SCARA5: variants seen among roughly 807,000 people sequenced by gnomAD.
SCARA5 encodes scavenger receptor class A, member 5 (putative).
In SCARA5, 45 loss-of-function variants were observed where a neutral mutation model predicts 46.3. That is an observed-to-expected ratio of 0.97 (90% CI 0.76 to 1.24). The LOEUF (loss-of-function observed/expected upper bound fraction) is 1.24. Among genes scored for constraint, SCARA5 ranks in the 50% most tolerant of loss-of-function variants. The pLI, the probability that SCARA5 is intolerant of heterozygous loss-of-function variation, is 0.00. For missense variants in SCARA5, 680 were observed against 689.0 expected (o/e 0.99, Z 0.15); for synonymous variants, 333 against 306.5 (o/e 1.09, Z -0.90).
intron 1 of SCARA5, among the ~76,000 whole-genome samples, chr8:27,989,839 C>T (rs530648203): frequency 6.6e-6 from 1 of 152,330 alleles, no homozygotes; most frequent in Non-Finnish European, 1.5e-5. Flanking sequence ...GCGGGCAGCT[C>T]CAGCACTGCT....
intron 6 of SCARA5, among the ~76,000 whole-genome samples, chr8:27,905,141 G>A (rs1215159028): frequency 6.6e-6 from 1 of 152,062 alleles, no homozygotes; most frequent in African/African-American, 2.4e-5. Flanking sequence ...GGTTTTAGAG[G>A]TCCACATCCA....
intron 1 of SCARA5, among the ~76,000 whole-genome samples, chr8:27,988,203 T>G (rs887009807): frequency 6.6e-6 from 1 of 152,108 alleles, no homozygotes; most frequent in African/African-American, 2.4e-5. Flanking sequence ...CTTGGCTCAG[T>G]AGGACCACAG....
intron 7 of SCARA5, chr8:27,885,980 A>G (rs1329573299): frequency 3.2e-5 from 5 of 154,768 alleles, no homozygotes; most frequent in Non-Finnish European, 7.3e-5. Flanking sequence ...ATCAATTTCA[A>G]GGATGTCTCT....
At chr8:27,903,532 C>T (rs1180292763) in intron 7 of SCARA5, 1 of 152,222 alleles carries the variant, frequency 6.6e-6, no homozygotes, top group African/African-American at 2.4e-5. Flanking sequence ...AATAATTTTT[C>T]ATGTCATTAG....
At chr8:27,873,616 C>A (rs181858267) in intron 8 of SCARA5, among the ~76,000 whole-genome samples, 1 of 150,878 alleles carries the variant, frequency 6.6e-6, no homozygotes, top group Non-Finnish European at 1.5e-5. Flanking sequence ...TCCTATAAAA[C>A]GGCCCCACCC....
At chr8:27,977,711 C>T (rs1808547740) in intron 2 of SCARA5, among the ~76,000 whole-genome samples, 1 of 152,230 alleles carries the variant, frequency 6.6e-6, no homozygotes, top group Non-Finnish European at 1.5e-5. Flanking sequence ...CCACCTGCTC[C>T]TCCCCTCCCG....
intron 4 of SCARA5, 142 bp downstream of exon 4, chr8:27,921,429 A>G (rs1244896082): frequency 1.5e-6 from 1 of 678,860 alleles, no homozygotes; most frequent in Non-Finnish European, 2.3e-6. Context: ...GGCAAGACTT[A>G]GAGAGTATGG....
intron 3 of SCARA5, among the ~76,000 whole-genome samples, chr8:27,952,612 A>T (rs918102113): frequency 1.3e-5 from 2 of 152,264 alleles, no homozygotes; most frequent in Non-Finnish European, 2.9e-5. Context: ...GCAGAGAGGC[A>T]GAATAATGAA....
intron 3 of SCARA5, among the ~76,000 whole-genome samples, chr8:27,944,102 C>T (rs1030814525): frequency 1.3e-5 from 2 of 152,170 alleles, no homozygotes; most frequent in African/African-American, 4.8e-5. Flanking sequence ...AGCAACTGGC[C>T]TGCATTCTTT....
chr8:27,978,391 G>A (rs1292805957), intron 2 of SCARA5, among the ~76,000 whole-genome samples: 1 of 151,960 alleles, frequency 6.6e-6, no homozygotes, highest in Non-Finnish European at 1.5e-5. Flanking sequence ...TTTCATGTGT[G>A]GCTCACCTTT....
At chr8:27,982,209 A>G (rs1808632543) in intron 2 of SCARA5, among the ~76,000 whole-genome samples, 1 of 151,658 alleles carries the variant, frequency 6.6e-6, no homozygotes, top group African/African-American at 2.4e-5. Context: ...GGACTGCAGT[A>G]TTTTTCTGAC....
At chr8:27,972,119 C>T (rs896099532) in intron 2 of SCARA5, among the ~76,000 whole-genome samples, 74 of 152,124 alleles carry the variant, frequency 4.9e-4, no homozygotes, top group African/African-American at 1.8e-3. Flanking sequence ...GAGTTCAAGA[C>T]CAGCCTGGCC....
chr8:27,935,607 A>G (rs1019952014), intron 3 of SCARA5, among the ~76,000 whole-genome samples: 1 of 152,182 alleles, frequency 6.6e-6, no homozygotes, highest in Non-Finnish European at 1.5e-5. Context: ...GCACAAAGGA[A>G]TGGGAAGGCT....
At chr8:27,915,068 T>C (rs1038491413) in intron 4 of SCARA5, among the ~76,000 whole-genome samples, 8 of 152,080 alleles carry the variant, frequency 5.3e-5, no homozygotes, top group Non-Finnish European at 7.4e-5. Context: ...CCCAGAACCA[T>C]GCTAACCACA....
In SCARA5 at chr8:27,922,168, C is replaced by G. The variant is rs767967362; in HGVS notation, c.319G>C (p.Asp107His). The G allele has an allele frequency of 1.2e-6, 2 of 1,607,066 alleles. No individual in the cohort carries two copies. The highest frequency in any genetic ancestry group is 2.2e-5 in the South Asian group (2 of 89,554). The change falls in exon 4 of 9, where the codon GAC becomes CAC. Residue 107 changes from aspartate (D) to histidine (H), a missense_variant. By Grantham distance (81) the Asp-to-His change is moderately conservative. This residue lies in a region of SCARA5 where 438 missense variants were observed against 384.5 expected (regional missense o/e 1.14). Coordinates refer to ENST00000354914, the MANE Select transcript of SCARA5 (RefSeq NM_173833.6). ...GCCTGCAGCAGCCGCAGCTGCAAGT[C>G]CCGGAAGCTCTCATTCAGCCGGTTC... Reference protein sequence around the residue: ...NVNRLNESFRDLQLRLLQAPL... With the variant: ...NVNRLNESFRHLQLRLLQAPL...
At chr8:27,970,442 C>T (rs1193603614) in intron 2 of SCARA5, among the ~76,000 whole-genome samples, 1 of 152,220 alleles carries the variant, frequency 6.6e-6, no homozygotes, top group South Asian at 2.1e-4. Context: ...ATGGCAACCC[C>T]CAGACGTTAC....
At chr8:27,972,803 G>A (rs1260213851) in intron 2 of SCARA5, among the ~76,000 whole-genome samples, 3 of 117,972 alleles carry the variant, frequency 2.5e-5, no homozygotes, top group African/African-American at 6.3e-5. Flanking sequence ...GTTCAAGGCT[G>A]TAGTGAGCTG....
intron 3 of SCARA5, among the ~76,000 whole-genome samples, chr8:27,958,234 C>G (rs371261057): frequency 6.6e-6 from 1 of 152,242 alleles, no homozygotes; most frequent in East Asian, 1.9e-4. Context: ...TCAGAGGCAT[C>G]ACCCTGGGCA....
At chr8:27,979,743 T>C (rs887228388) in intron 2 of SCARA5, among the ~76,000 whole-genome samples, 10 of 152,038 alleles carry the variant, frequency 6.6e-5, no homozygotes, top group Non-Finnish European at 1.2e-4. Context: ...TGTATTTTAG[T>C]AGAGACAGGG....
Sources: gnomAD v4.1 joint callset for allele counts (sites outside exome capture counted in the v4.1 genomes callset) on GRCh38, gnomAD v4.1.1 for gene constraint, gnomAD v4.1.1 regional missense constraint, MANE v1.5 for transcripts, NCBI Gene and HGNC (gene_info 2026-07-23, HGNC 2026-07-21) for gene names.